The following VPS8 variants were observed in gnomAD, a reference collection of about 807,000 sequenced individuals.
The protein encoded by VPS8 is VPS8 subunit of CORVET complex.
Under a neutral mutation model 216.4 loss-of-function variants are expected in VPS8, and 129 were observed. The ratio of observed to expected loss-of-function variants is 0.60; its 90% CI spans 0.52 to 0.69. The LOEUF (loss-of-function observed/expected upper bound fraction) is 0.69, where lower values mean the gene tolerates loss of function less well. Ranked by LOEUF, VPS8 falls within the 30% of genes least tolerant of loss-of-function variation. The pLI, the probability that VPS8 is intolerant of heterozygous loss-of-function variation, is 0.00. For missense variants in VPS8, 1,531 were observed against 1,683.5 expected, an observed-to-expected ratio of 0.91 and a Z score of 1.59; for synonymous variants, 571 against 565.4, an observed-to-expected ratio of 1.01 and a Z score of -0.14.
rs1414316414 is a variant in VPS8, at chr3:184,869,045, G to C, written c.1597+9G>C. ...AGCAAAAGCAGTAGTGGGTGAGTAG[G>C]CAGAATTCCAGTGTAGTAGACGTGG... On this transcript the variant is annotated intron_variant, in intron 19 of 47. Transcript: ENST00000625842. 1.9e-6 allele frequency: 3 copies of C among 1,598,156 alleles called. No individual in the cohort carries two copies. Among genetic ancestry groups the C allele is most frequent in the Non-Finnish European group, 2.6e-6 (3 of 1,172,020 alleles).
At chr3:184,859,872 A>G (rs1180500038) in intron 14 of VPS8, 113 bp from the exon 15 acceptor site, 2 of 676,996 alleles carry the variant, frequency 3.0e-6, no homozygotes, top group Non-Finnish European at 4.9e-6. Flanking sequence ...TGGCTTATCT[A>G]CAGGGAATGG....
In VPS8 at chr3:184,952,443, G is replaced by C. The variant is rs560092596; in HGVS notation, c.3036-4931G>C. Reference sequence around the variant, plus strand: ...ATCACAAGGTTCATAAATTTTGAAAGGAGAGCTTTATTTCAGATAAAGAGT... The same window carrying C: ...ATCACAAGGTTCATAAATTTTGAAACGAGAGCTTTATTTCAGATAAAGAGT... On this transcript the variant is annotated intron_variant, in intron 36 of 47. Coordinates refer to ENST00000625842, the MANE Select transcript of VPS8 (RefSeq NM_001009921.3). 1.2e-3 allele frequency among the ~76,000 whole-genome samples: 176 copies of C among 152,330 alleles called. 2 individuals carry two copies. Among genetic ancestry groups the C allele is most frequent in the African/African-American group, 4.1e-3 (170 of 41,562 alleles).
chr3:184,855,306 T>C (rs1009032592), intron 13 of VPS8, among the ~76,000 whole-genome samples: 16 of 152,354 alleles, frequency 1.1e-4, no homozygotes, highest in Admixed American at 3.3e-4. Flanking sequence ...TGTCCACTTA[T>C]CAAATTATAT....
intron 45 of VPS8, among the ~76,000 whole-genome samples, chr3:185,011,040 A>T (rs1754944898): frequency 6.6e-6 from 1 of 152,094 alleles, no homozygotes; most frequent in African/African-American, 2.4e-5. Context: ...ATCATTGGTG[A>T]ACTATGGAAC....
At chr3:185,031,961 C>T (rs1035776838) in intron 46 of VPS8, among the ~76,000 whole-genome samples, 3 of 152,024 alleles carry the variant, frequency 2.0e-5, no homozygotes, top group Non-Finnish European at 2.9e-5. Context: ...GTCAGGAGTT[C>T]GAGACCAGCC....
rs181777592 is a variant in VPS8, at chr3:185,035,241, C to T, written c.4056+10852C>T. Among the ~76,000 whole-genome samples, 21 of 152,136 alleles carry T rather than the reference C, an allele frequency of 1.4e-4. No individual in the cohort carries two copies. In the East Asian group the frequency reaches 4.1e-3, roughly 29 times the overall value. On this transcript the variant is annotated intron_variant, in intron 46 of 47. Coordinates refer to ENST00000625842, the MANE Select transcript of VPS8 (RefSeq NM_001009921.3). ...ATTCCAAAATATTGAGGAAGGACTCCTCCTCAACTCATTCCATGAAGCCAG... is the reference window on the plus strand; with the variant it reads ...ATTCCAAAATATTGAGGAAGGACTCTTCCTCAACTCATTCCATGAAGCCAG...
chr3:185,046,596 G>T (rs887137279), intron 46 of VPS8, among the ~76,000 whole-genome samples: 1 of 152,108 alleles, frequency 6.6e-6, no homozygotes, highest in Admixed American at 6.6e-5. Context: ...TCATCCCATT[G>T]TTCTTTCTAG....
chr3:185,034,629 TG>T (rs1758632214), intron 46 of VPS8, among the ~76,000 whole-genome samples: 1 of 152,100 alleles, frequency 6.6e-6, no homozygotes, highest in Non-Finnish European at 1.5e-5. Context: ...TTGTTGTTGT[TG>T]TTGTTGTTGT....
intron 8 of VPS8, among the ~76,000 whole-genome samples, chr3:184,848,345 A>ATTC (rs1723538057): frequency 6.6e-6 from 1 of 152,194 alleles, no homozygotes; most frequent in South Asian, 2.1e-4. Flanking sequence ...TTTCAGCCAA[A>ATTC]TTCTAAATTA....
chr3:185,030,451 AG>A (rs1441119189), intron 46 of VPS8, among the ~76,000 whole-genome samples: 1 of 152,208 alleles, frequency 6.6e-6, no homozygotes, highest in East Asian at 1.9e-4. Context: ...GACTATCCTC[AG>A]GCTGGTGGTG....
intron 45 of VPS8, among the ~76,000 whole-genome samples, chr3:185,012,204 C>T (rs571235490): frequency 1.4e-5 from 2 of 147,994 alleles, no homozygotes; most frequent in East Asian, 2.0e-4. Context: ...CAAATTATAG[C>T]TATATCTATA....
Position 184,834,806 on chromosome 3 carries a change from G to A in VPS8, c.447+64G>A, listed in dbSNP as rs777762241. The A allele has an allele frequency of 6.9e-6, 9 of 1,307,380 alleles. No individual in the cohort carries two copies. In the East Asian group the frequency reaches 1.3e-4, roughly 18 times the overall value. The allele number at this position is 1,307,380 out of a possible 1,614,324, so 81.0% of individuals were successfully genotyped here. A position where few individuals can be genotyped will look rare whatever the true frequency, so the allele number is the denominator to read the frequency against. On this transcript the variant is annotated intron_variant, in intron 5 of 47. Coordinates refer to ENST00000625842, the MANE Select transcript of VPS8 (RefSeq NM_001009921.3). ...CAATGGCATAATGAAGTAGGAATGA[G>A]CATAGAACAAAATACAGCACTTCTC... is the stretch of plus-strand genomic sequence containing the variant.
intron 35 of VPS8, among the ~76,000 whole-genome samples, chr3:184,937,713 A>T (rs1333169497): frequency 6.6e-6 from 1 of 152,146 alleles, no homozygotes. Flanking sequence ...TTCTTAATAA[A>T]AAGGTTCTGG....
chr3:184,895,590 T>C (rs1158523463), intron 23 of VPS8, among the ~76,000 whole-genome samples: 20 of 38,586 alleles, frequency 5.2e-4, no homozygotes, highest in East Asian at 2.0e-3. Flanking sequence ...CTCCTCCTGC[T>C]CCTCCTCCTC....
intron 28 of VPS8, among the ~76,000 whole-genome samples, 192 bp downstream of exon 28, chr3:184,915,666 A>G (rs1300813180): frequency 1.3e-5 from 2 of 152,104 alleles, no homozygotes; most frequent in African/African-American, 4.8e-5. Flanking sequence ...AAACTTAGCC[A>G]GGCATGGTGG....
intron 30 of VPS8, 84 bp downstream of exon 30, chr3:184,925,065 C>G: frequency 6.7e-7 from 1 of 1,493,266 alleles, no homozygotes. Flanking sequence ...CCTGATGTGA[C>G]AGACTATTGG....
intron 46 of VPS8, among the ~76,000 whole-genome samples, chr3:185,030,548 TTCCA>T (rs1441560453): frequency 6.6e-6 from 1 of 152,178 alleles, no homozygotes; most frequent in Non-Finnish European, 1.5e-5. Flanking sequence ...TGGAAAGCCT[TTCCA>T]ATAGTTCTGT....
At chr3:184,946,863 G>A (rs1238176785) in intron 36 of VPS8, among the ~76,000 whole-genome samples, 3 of 151,744 alleles carry the variant, frequency 2.0e-5, no homozygotes, top group African/African-American at 7.3e-5. Flanking sequence ...TCAGTTCTTA[G>A]TTTAGACACT....
intron 36 of VPS8, among the ~76,000 whole-genome samples, chr3:184,951,481 TA>T (rs748553613): frequency 0.015 from 2,058 of 135,472 alleles, 25 homozygotes; most frequent in African/African-American, 0.039. Flanking sequence ...TGAGACTGTC[TA>T]AAAAAAAAAA....
Sources: gnomAD v4.1 joint callset for allele counts (sites outside exome capture counted in the v4.1 genomes callset) on GRCh38, gnomAD v4.1.1 for gene constraint, MANE v1.5 for transcripts, NCBI Gene and HGNC (gene_info 2026-07-23, HGNC 2026-07-21) for gene names.